Variants in CADM2 observed in about 807,000 individuals in gnomAD.
CADM2 encodes immunoglobulin superfamily member 4D.
In CADM2, 12 loss-of-function variants were observed where a neutral mutation model predicts 49.8. The observed-to-expected ratio is 0.24, with a 90% CI of 0.15 to 0.39. CADM2 has a LOEUF of 0.39. CADM2 is among the 10% of genes least tolerant of loss of function. The probability of loss-of-function intolerance (pLI) is 1.00; values close to 1 mark genes in which losing one functional copy is unlikely to be tolerated. For synonymous variants in CADM2, 214 were observed against 175.4 expected (o/e 1.22, Z -1.74); for missense variants, 378 against 492.3 (o/e 0.77, Z 2.20).
At chr3:85,344,782 G>A (rs897592355) in intron 1 of CADM2, among the ~76,000 whole-genome samples, 1 of 152,028 alleles carries the variant, frequency 6.6e-6, no homozygotes, top group Admixed American at 6.6e-5. Flanking sequence ...ACATTCCATA[G>A]TTAGATTGAG....
rs749255898 is a variant in CADM2 at position 85,572,573 on chromosome 3, G to C, written c.62-153949G>C. 3.7e-4 allele frequency among the ~76,000 whole-genome samples: 56 copies of C among 152,176 alleles called. 1 individual carries two copies. The Middle Eastern group carries it at 0.01, about 28-fold the overall frequency. ...GTCTTCTGCAAGCTGGAGACCGTGGGATGCTTGTTATTTGTCTTGGTTCAA... is the reference window on the plus strand; with the variant it reads ...GTCTTCTGCAAGCTGGAGACCGTGGCATGCTTGTTATTTGTCTTGGTTCAA... On this transcript the variant is annotated intron_variant, in intron 1 of 9. Coordinates refer to ENST00000383699, the MANE Select transcript of CADM2 (RefSeq NM_001167675.2).
chr3:85,630,612 C>A (rs1012811972), intron 1 of CADM2, among the ~76,000 whole-genome samples: 1 of 151,956 alleles, frequency 6.6e-6, no homozygotes, highest in Admixed American at 6.6e-5. Flanking sequence ...ACTAATGAAG[C>A]GAATAATTCT....
intron 2 of CADM2, among the ~76,000 whole-genome samples, chr3:85,761,600 C>A (rs1157368430): frequency 1.3e-5 from 2 of 152,020 alleles, no homozygotes; most frequent in South Asian, 2.1e-4. Context: ...TGGTCTCAAT[C>A]TCTTGACCTC....
chr3:85,156,260 A>G (rs1166470120), intron 1 of CADM2, among the ~76,000 whole-genome samples: 3 of 152,088 alleles, frequency 2.0e-5, no homozygotes, highest in Non-Finnish European at 4.4e-5. Flanking sequence ...GAGAAGAATC[A>G]AATAGACGCA....
At chr3:85,665,292 A>T (rs900461434) in intron 1 of CADM2, among the ~76,000 whole-genome samples, 8 of 151,906 alleles carry the variant, frequency 5.3e-5, no homozygotes, top group Admixed American at 3.3e-4. Flanking sequence ...ATGTAAGACG[A>T]ATTTAATTAA....
intron 1 of CADM2, among the ~76,000 whole-genome samples, chr3:84,966,996 A>T (rs906875992): frequency 6.6e-6 from 1 of 152,066 alleles, no homozygotes; most frequent in African/African-American, 2.4e-5. Context: ...ACATTATAAG[A>T]AAACAAAGTC....
At chr3:85,123,929 C>G (rs76797323) in intron 1 of CADM2, among the ~76,000 whole-genome samples, 12,771 of 152,168 alleles carry the variant, frequency 0.084, 1,092 homozygotes, top group East Asian at 0.26. Flanking sequence ...GAAGCCATAT[C>G]TATGTTTGAA....
chr3:85,860,341 A>G (rs564618327), intron 3 of CADM2, among the ~76,000 whole-genome samples: 29 of 152,298 alleles, frequency 1.9e-4, no homozygotes, highest in African/African-American at 6.5e-4. Flanking sequence ...ATATAATAAG[A>G]TAAATAATAG....
At chr3:85,677,584 A>AAAAT (rs1447034359) in intron 1 of CADM2, among the ~76,000 whole-genome samples, 2 of 152,178 alleles carry the variant, frequency 1.3e-5, no homozygotes, top group Non-Finnish European at 2.9e-5. Context: ...AGATTACAAT[A>AAAAT]AAATATATAG....
intron 1 of CADM2, among the ~76,000 whole-genome samples, chr3:85,146,408 A>G (rs2039742542): frequency 6.6e-6 from 1 of 152,092 alleles, no homozygotes; most frequent in Non-Finnish European, 1.5e-5. Flanking sequence ...TGCAGTGGCA[A>G]ATGAAAGCAG....
At chr3:85,481,036 T>G (rs568104446) in intron 1 of CADM2, among the ~76,000 whole-genome samples, 110 of 151,624 alleles carry the variant, frequency 7.3e-4, no homozygotes, top group African/African-American at 2.5e-3. Flanking sequence ...TGATTCATCT[T>G]TCATCTTTAT....
intron 1 of CADM2, among the ~76,000 whole-genome samples, chr3:85,334,082 T>C (rs2045011535): frequency 6.6e-6 from 1 of 151,686 alleles, no homozygotes; most frequent in African/African-American, 2.4e-5. Context: ...AATATTTGCA[T>C]CTGAAGCAAA....
chr3:85,703,990 A>G (rs2066861367), intron 1 of CADM2, among the ~76,000 whole-genome samples: 1 of 152,140 alleles, frequency 6.6e-6, no homozygotes, highest in South Asian at 2.1e-4. Flanking sequence ...ATTGATTCAG[A>G]GTTTTTAATA....
chr3:85,444,368 A>G (rs114042832), intron 1 of CADM2, among the ~76,000 whole-genome samples: 2 of 151,784 alleles, frequency 1.3e-5, no homozygotes, highest in African/African-American at 4.8e-5. Flanking sequence ...TTAAAACTGG[A>G]TTTATAAGTT....
intron 1 of CADM2, among the ~76,000 whole-genome samples, chr3:85,200,697 C>T (rs774052066): frequency 1.9e-4 from 29 of 152,136 alleles, no homozygotes; most frequent in Non-Finnish European, 3.1e-4. Context: ...TATTCTATGT[C>T]CATTATTTAG....
At chr3:85,021,729 C>A (rs1268274271) in intron 1 of CADM2, among the ~76,000 whole-genome samples, 1 of 152,132 alleles carries the variant, frequency 6.6e-6, no homozygotes, top group Non-Finnish European at 1.5e-5. Context: ...GAGCCGAGAT[C>A]ATGCCATTGC....
intron 1 of CADM2, among the ~76,000 whole-genome samples, chr3:85,486,828 A>G (rs2039436660): frequency 6.6e-6 from 1 of 152,212 alleles, no homozygotes; most frequent in Admixed American, 6.5e-5. Context: ...CCAAACTCTC[A>G]CATATGAATT....
At chr3:85,223,650 A>C (rs1359756239) in intron 1 of CADM2, among the ~76,000 whole-genome samples, 1 of 152,056 alleles carries the variant, frequency 6.6e-6, no homozygotes. Flanking sequence ...CATGTGCACA[A>C]CATGCAGGTT....
intron 8 of CADM2, among the ~76,000 whole-genome samples, chr3:86,053,079 C>G (rs543843659): frequency 6.6e-6 from 1 of 152,128 alleles, no homozygotes; most frequent in Non-Finnish European, 1.5e-5. Flanking sequence ...GTATTTTCTT[C>G]TGAATTCATG....
Sources: allele counts gnomAD v4.1 joint callset (sites outside exome capture counted in the v4.1 genomes callset), GRCh38; gene constraint gnomAD v4.1.1; transcripts MANE v1.5; gene names NCBI Gene and HGNC (gene_info 2026-07-23, HGNC 2026-07-21).